Variants in GNG7 observed in about 807,000 individuals in gnomAD.
GNG7 encodes G protein subunit gamma 7.
GNG7 carries 1 observed loss-of-function variant against 4.0 expected under a neutral mutation model. That is an observed-to-expected ratio of 0.25 (90% CI 0.09 to 1.18). GNG7 has a LOEUF of 1.18. GNG7 is among the 50% of genes most tolerant of loss of function. The pLI, the probability that GNG7 is intolerant of heterozygous loss-of-function variation, is 0.50. For missense variants in GNG7, 86 were observed against 91.9 expected (o/e 0.94, Z 0.26); for synonymous variants, 34 against 36.9 (o/e 0.92, Z 0.29).
At chr19:2,643,107 C>G (rs758297883) in intron 2 of GNG7, 2 of 452,298 alleles carry the variant, frequency 4.4e-6, no homozygotes, top group East Asian at 1.4e-4. Context: ...ACCGGAAATG[C>G]TAAGTCTGAG....
chr19:2,553,125 C>CAA (rs36098274), intron 3 of GNG7, among the ~76,000 whole-genome samples: 5,497 of 112,322 alleles, frequency 0.049, 148 homozygotes, highest in Non-Finnish European at 0.063. Flanking sequence ...AAAGCAAAAC[C>CAA]AAAAAAAAAA....
chr19:2,516,388 C>T (rs1568228626), intron 4 of GNG7, among the ~76,000 whole-genome samples: 1 of 151,968 alleles, frequency 6.6e-6, no homozygotes, highest in African/African-American at 2.4e-5. Context: ...CCACGCCCAG[C>T]TAATTTTTGT....
intron 2 of GNG7, chr19:2,643,432 C>T: frequency 2.4e-6 from 1 of 423,458 alleles, no homozygotes; most frequent in South Asian, 1.6e-5. Flanking sequence ...ATGCAAAGTC[C>T]GAGACCTCTC....
intron 2 of GNG7, among the ~76,000 whole-genome samples, chr19:2,596,886 AC>A (rs1311120636): frequency 1.3e-5 from 2 of 152,112 alleles, no homozygotes; most frequent in Non-Finnish European, 2.9e-5. Flanking sequence ...GGAGATGAAA[AC>A]AAATTTTACT....
At chr19:2,637,114 G>A (rs1355249990) in intron 2 of GNG7, among the ~76,000 whole-genome samples, 1 of 151,498 alleles carries the variant, frequency 6.6e-6, no homozygotes, top group African/African-American at 2.4e-5. Flanking sequence ...TCCAGGCCCG[G>A]GGCCAGGAAA....
At chr19:2,563,065 C>T (rs915158527) in intron 2 of GNG7, among the ~76,000 whole-genome samples, 6 of 152,084 alleles carry the variant, frequency 3.9e-5, no homozygotes, top group African/African-American at 1.4e-4. Context: ...CTGCCTCAGC[C>T]TCCCAAGTAG....
At chr19:2,671,780 T>C (rs1983458935) in intron 1 of GNG7, among the ~76,000 whole-genome samples, 1 of 152,054 alleles carries the variant, frequency 6.6e-6, no homozygotes, top group Admixed American at 6.5e-5. Context: ...CATTTTATTT[T>C]ATTTTATTTT....
At chr19:2,598,388 T>C (rs2144809292) in intron 2 of GNG7, among the ~76,000 whole-genome samples, 1 of 151,898 alleles carries the variant, frequency 6.6e-6, no homozygotes, top group East Asian at 1.9e-4. Context: ...CCGGGCGTGG[T>C]GGCTCACGCC....
chr19:2,594,609 T>C (rs976781648), intron 2 of GNG7, among the ~76,000 whole-genome samples: 2 of 152,124 alleles, frequency 1.3e-5, no homozygotes, highest in African/African-American at 4.8e-5. Flanking sequence ...CTCTCCAGCT[T>C]TGCACGGGTA....
chr19:2,684,189 T>C (rs1983813941), intron 1 of GNG7, among the ~76,000 whole-genome samples: 1 of 145,378 alleles, frequency 6.9e-6, no homozygotes, highest in African/African-American at 2.6e-5. Flanking sequence ...CAGGCTGGAG[T>C]GCAATGGTGC....
chr19:2,626,233 G>A lies in GNG7; in HGVS notation c.-78+19991C>T, dbSNP rs994495327. Among the ~76,000 whole-genome samples the A allele has an allele frequency of 3.9e-5, 6 of 152,084 alleles. No individual in the cohort carries two copies. Among genetic ancestry groups the A allele is most frequent in the African/African-American group, 1.4e-4 (6 of 41,406 alleles). On this transcript the variant is annotated intron_variant, in intron 2 of 4. Coordinates refer to ENST00000382159, the MANE Select transcript of GNG7 (RefSeq NM_052847.3). The surrounding 1 kb of genome is among the most constrained non-coding windows in gnomAD (Gnocchi z 5.0). ...GGAACGTGAAGCTGATGCTGCTCCC[G>A]CCCCAGGCCTGAAGCCGGCCCCCTG... is the stretch of plus-strand genomic sequence containing the variant.
At chr19:2,682,363 C>A (rs1198136515) in intron 1 of GNG7, among the ~76,000 whole-genome samples, 1 of 151,876 alleles carries the variant, frequency 6.6e-6, no homozygotes, top group Non-Finnish European at 1.5e-5. Flanking sequence ...AGAGCCATCT[C>A]ATAAAAGAGC....
chr19:2,619,915 G>A (rs1419503826), intron 2 of GNG7, among the ~76,000 whole-genome samples: 2 of 151,486 alleles, frequency 1.3e-5, no homozygotes, highest in African/African-American at 4.9e-5. Context: ...TTTACGCTGT[G>A]TCAGTTATAT....
In GNG7 at chr19:2,514,808, T is replaced by G. The variant is rs955476306; in HGVS notation, c.*214A>C. On this transcript the variant is annotated 3_prime_UTR_variant, in exon 5 of 5. Coordinates refer to ENST00000382159, the MANE Select transcript of GNG7 (RefSeq NM_052847.3). Reference sequence around the variant, plus strand: ...CCATGGGGTCGGACCTGAAAATTCATCTCCACCTACAAGGTCCATTCTACC... The same window carrying G: ...CCATGGGGTCGGACCTGAAAATTCAGCTCCACCTACAAGGTCCATTCTACC... 2 of 458,588 alleles carry G rather than the reference T, an allele frequency of 4.4e-6. No homozygotes were observed. The highest frequency in any genetic ancestry group is 4.0e-5 in the African/African-American group (2 of 50,596). 28.4% of individuals were successfully genotyped at this position (458,588 alleles called of 1,614,324 possible). A position where few individuals can be genotyped will look rare whatever the true frequency, so the allele number is the denominator to read the frequency against.
chr19:2,654,248 C>T (rs1045408516), intron 1 of GNG7, among the ~76,000 whole-genome samples: 61 of 152,138 alleles, frequency 4.0e-4, no homozygotes, highest in African/African-American at 1.4e-3. Context: ...CCTCCCCTCC[C>T]GCTTCATGAC....
At chr19:2,620,850 C>T (rs1427280891) in intron 2 of GNG7, among the ~76,000 whole-genome samples, 1 of 152,164 alleles carries the variant, frequency 6.6e-6, no homozygotes, top group African/African-American at 2.4e-5. Flanking sequence ...GTGCAGAGAA[C>T]AGACTCCTGC....
chr19:2,677,229 T>C (rs1325447429), intron 1 of GNG7, among the ~76,000 whole-genome samples: 2 of 150,946 alleles, frequency 1.3e-5, no homozygotes, highest in Non-Finnish European at 2.9e-5. Context: ...ATCAACAGGA[T>C]GCCACAGGGG....
chr19:2,587,077 C>T (rs902643576), intron 2 of GNG7, among the ~76,000 whole-genome samples: 9 of 151,950 alleles, frequency 5.9e-5, no homozygotes, highest in East Asian at 1.9e-4. Flanking sequence ...ACACCACATC[C>T]GGCTAATTTT....
At position 2,557,816 on chromosome 19, in the gene GNG7, G is replaced by T. The variant is rs1979612854; in HGVS notation, c.-77-2628C>A. 6.6e-6 allele frequency among the ~76,000 whole-genome samples: 1 copy of T among 152,232 alleles called. No homozygotes were observed. The highest frequency in any genetic ancestry group is 2.1e-4 in the South Asian group (1 of 4,820). ...AACCACAGCTCCTTATTCTGATGGG[G>T]TGACTCGGTGCATTTCTCTCTCAGG... is the stretch of plus-strand genomic sequence containing the variant. On this transcript the variant is annotated intron_variant, in intron 2 of 4. Coordinates refer to ENST00000382159, the MANE Select transcript of GNG7 (RefSeq NM_052847.3). The surrounding 1 kb of genome is among the most constrained non-coding windows in gnomAD (Gnocchi z 5.1).
Sources: gnomAD v4.1 joint callset for allele counts (sites outside exome capture counted in the v4.1 genomes callset) on GRCh38, gnomAD v4.1.1 for gene constraint, Gnocchi (gnomAD v3.1) non-coding constraint, MANE v1.5 for transcripts, NCBI Gene and HGNC (gene_info 2026-07-23, HGNC 2026-07-21) for gene names.